LRRTM3: variants seen among roughly 807,000 people sequenced by gnomAD.
LRRTM3 encodes the protein leucine-rich repeat transmembrane neuronal protein 3.
LRRTM3 carries 24 observed loss-of-function variants against 44.7 expected under a neutral mutation model. That is an observed-to-expected ratio of 0.54 (90% CI 0.39 to 0.76). The LOEUF (loss-of-function observed/expected upper bound fraction) is 0.76, where lower values mean the gene tolerates loss of function less well. Ranked by LOEUF, LRRTM3 falls within the 30% of genes least tolerant of loss-of-function variation. The pLI, the probability that LRRTM3 is intolerant of heterozygous loss-of-function variation, is 0.00. For missense variants in LRRTM3, 587 were observed against 702.2 expected, an observed-to-expected ratio of 0.84 and a Z score of 1.85; for synonymous variants, 277 against 278.7, an observed-to-expected ratio of 0.99 and a Z score of 0.06.
In LRRTM3 at chr10:67,015,358, G is replaced by T. The variant is rs1281750482; in HGVS notation, c.1537-82229G>T. 3 of 152,236 alleles carry T rather than the reference G, an allele frequency of 2.0e-5. No homozygotes were observed. In the East Asian group the frequency reaches 5.8e-4, roughly 29 times the overall value. 9.4% of individuals were successfully genotyped at this position (152,236 alleles called of 1,614,324 possible). ...ACTCATCATGTATGTGCATGCACAT[G>T]AGTTTAAAGAAGAGCTCCAGGGTTC... On this transcript the variant is annotated intron_variant, in intron 2 of 2. Transcript: ENST00000361320.
intron 2 of LRRTM3, among the ~76,000 whole-genome samples, chr10:67,091,083 A>G (rs1171932102): frequency 6.6e-6 from 1 of 152,064 alleles, no homozygotes; most frequent in Non-Finnish European, 1.5e-5. Context: ...TTTGACTCTA[A>G]GTAAAACTAC....
intron 2 of LRRTM3, among the ~76,000 whole-genome samples, chr10:66,931,348 C>G (rs1358560993): frequency 6.6e-6 from 1 of 152,158 alleles, no homozygotes; most frequent in Admixed American, 6.6e-5. Context: ...AGTGCTACCA[C>G]AGCATGTAGT....
At chr10:67,002,150 A>G (rs758575949) in intron 2 of LRRTM3, among the ~76,000 whole-genome samples, 1 of 152,334 alleles carries the variant, frequency 6.6e-6, no homozygotes, top group Non-Finnish European at 1.5e-5. Context: ...AATGGATTCA[A>G]TTCACTAATT....
chr10:67,086,527 T>C (rs1038672362), intron 2 of LRRTM3, among the ~76,000 whole-genome samples: 1 of 152,000 alleles, frequency 6.6e-6, no homozygotes, highest in Non-Finnish European at 1.5e-5. Flanking sequence ...ATCCAAGTCC[T>C]GCCAAAGCAG....
chr10:66,996,007 A>G (rs1851313008), intron 2 of LRRTM3, among the ~76,000 whole-genome samples: 1 of 152,166 alleles, frequency 6.6e-6, no homozygotes, highest in Non-Finnish European at 1.5e-5. Context: ...ATCCTACACA[A>G]TCACTTGTAA....
chr10:67,058,706 T>A (rs1046764169), intron 2 of LRRTM3, among the ~76,000 whole-genome samples: 1 of 152,122 alleles, frequency 6.6e-6, no homozygotes, highest in Non-Finnish European at 1.5e-5. Context: ...ATACAAGTAG[T>A]GCAAGCTATT....
At chr10:67,019,633 A>G (rs1055954180) in intron 2 of LRRTM3, among the ~76,000 whole-genome samples, 2 of 152,256 alleles carry the variant, frequency 1.3e-5, no homozygotes, top group African/African-American at 4.8e-5. Context: ...TCCAGGTTAC[A>G]CAGTGTGAGT....
chr10:66,938,926 C>T (rs1285288359), intron 2 of LRRTM3, among the ~76,000 whole-genome samples: 1 of 152,256 alleles, frequency 6.6e-6, no homozygotes, highest in East Asian at 1.9e-4. Context: ...TGTGATCTCT[C>T]CCCGTCCACA....
chr10:66,969,503 T>A (rs1195495167), intron 2 of LRRTM3, among the ~76,000 whole-genome samples: 4 of 152,170 alleles, frequency 2.6e-5, no homozygotes, highest in Non-Finnish European at 5.9e-5. Context: ...TATCTTGGAT[T>A]ATTTCCTCGG....
chr10:66,927,867 C>A lies in LRRTM3; in HGVS notation c.951C>A (p.Ser317Arg), dbSNP rs1374112945. 1 of 1,614,186 alleles carries A rather than the reference C, an allele frequency of 6.2e-7. No individual in the cohort carries two copies. Among genetic ancestry groups the A allele is most frequent in the African/African-American group, 1.3e-5 (1 of 75,030 alleles). The change falls in exon 2 of 3, where the codon AGC becomes AGA. Residue 317 changes from serine to arginine, a missense_variant. Ser to Arg is a moderately radical substitution (Grantham distance 110). Coordinates refer to ENST00000361320, the MANE Select transcript of LRRTM3 (RefSeq NM_178011.5). The surrounding 1 kb of genome is among the most constrained non-coding windows in gnomAD (Gnocchi z 4.7). ...TTGCTGGGAATATATGGGAATGCAGCAGAAATATTTGCTCCCTTGTAAACT... is the reference window on the plus strand; with the variant it reads ...TTGCTGGGAATATATGGGAATGCAGAAGAAATATTTGCTCCCTTGTAAACT... Reference protein sequence around the residue: ...ISLAGNIWECSRNICSLVNWL... With the variant: ...ISLAGNIWECRRNICSLVNWL...
chr10:67,093,403 GGA>G (rs1408544172), intron 2 of LRRTM3, among the ~76,000 whole-genome samples: 2 of 151,772 alleles, frequency 1.3e-5, no homozygotes, highest in Non-Finnish European at 2.9e-5. Context: ...CCTAATCTCA[GGA>G]GAGACCATGT....
chr10:66,978,055 T>C (rs2394316), intron 2 of LRRTM3, among the ~76,000 whole-genome samples: 85 of 108,140 alleles, frequency 7.9e-4, no homozygotes, highest in African/African-American at 3.3e-3. Context: ...TGCACACACA[T>C]ATATATATAT....
At chr10:67,064,728 A>C (rs1458861451) in intron 2 of LRRTM3, among the ~76,000 whole-genome samples, 3 of 152,208 alleles carry the variant, frequency 2.0e-5, no homozygotes, top group Admixed American at 2.0e-4. Context: ...GTATTAATTG[A>C]AATTTAAGTG....
intron 2 of LRRTM3, among the ~76,000 whole-genome samples, chr10:67,024,950 A>G (rs1853262762): frequency 6.6e-6 from 1 of 151,830 alleles, no homozygotes; most frequent in Non-Finnish European, 1.5e-5. Context: ...GACCAACAAG[A>G]AGACACCCTG....
intron 2 of LRRTM3, among the ~76,000 whole-genome samples, chr10:67,007,880 G>A (rs1418059396): frequency 6.6e-6 from 1 of 151,854 alleles, no homozygotes; most frequent in African/African-American, 2.4e-5. Context: ...TATATACAAA[G>A]GAAGCTACAG....
chr10:67,037,509 G>A (rs1854134451), intron 2 of LRRTM3, among the ~76,000 whole-genome samples: 1 of 152,054 alleles, frequency 6.6e-6, no homozygotes, highest in Non-Finnish European at 1.5e-5. Context: ...AGATGTTTAG[G>A]TAGAGGAGTG....
At position 67,099,435 on chromosome 10, in the gene LRRTM3, T is replaced by G. The variant is rs1361822703; in HGVS notation, c.*1639T>G. ...CAAAAGTAGATTGACAATACATCAATCTAACAGGGGCCAATCAAAACAATG... is the reference window on the plus strand; with the variant it reads ...CAAAAGTAGATTGACAATACATCAAGCTAACAGGGGCCAATCAAAACAATG... On this transcript the variant is annotated 3_prime_UTR_variant, in exon 3 of 3. Transcript: ENST00000361320. 2 of 151,754 alleles carry G rather than the reference T, an allele frequency of 1.3e-5. No individual in the cohort carries two copies. Among genetic ancestry groups the G allele is most frequent in the Admixed American group, 6.6e-5 (1 of 15,172 alleles). The allele number at this position is 151,754 out of a possible 1,614,324, so 9.4% of individuals were successfully genotyped here.
intron 2 of LRRTM3, among the ~76,000 whole-genome samples, chr10:66,948,113 C>T (rs1360442225): frequency 2.6e-5 from 4 of 152,112 alleles, no homozygotes; most frequent in Non-Finnish European, 5.9e-5. Context: ...GTGGGATCAC[C>T]ATCATATATG....
intron 2 of LRRTM3, among the ~76,000 whole-genome samples, chr10:66,939,067 G>A (rs865853479): frequency 5.3e-5 from 8 of 152,210 alleles, no homozygotes; most frequent in East Asian, 1.9e-4. Flanking sequence ...AACACCCTAC[G>A]CTATGACAGA....
Sources: allele counts gnomAD v4.1 joint callset (sites outside exome capture counted in the v4.1 genomes callset), GRCh38; gene constraint gnomAD v4.1.1; non-coding constraint Gnocchi (gnomAD v3.1); transcripts MANE v1.5; gene names NCBI Gene and HGNC (gene_info 2026-07-23, HGNC 2026-07-21).